SLC25A21: variants seen among roughly 807,000 people sequenced by gnomAD.
SLC25A21 encodes mitochondrial 2-oxodicarboxylate carrier.
A neutral mutation model predicts 43.8 loss-of-function variants in SLC25A21; 47 were observed. The observed-to-expected ratio is 1.07, with a 90% confidence interval of 0.85 to 1.37. The LOEUF (loss-of-function observed/expected upper bound fraction) is 1.37. Among genes scored for constraint, SLC25A21 ranks in the 40% most tolerant of loss-of-function variants. The probability of loss-of-function intolerance (pLI) is 0.00; values close to 1 mark genes in which losing one functional copy is unlikely to be tolerated. For synonymous variants in SLC25A21, 131 were observed against 121.3 expected, an observed-to-expected ratio of 1.08 and a Z score of -0.52; for missense variants, 352 against 350.2, an observed-to-expected ratio of 1.00 and a Z score of -0.04.
intron 1 of SLC25A21, among the ~76,000 whole-genome samples, chr14:36,925,792 G>A (rs915190063): frequency 1.3e-5 from 2 of 151,998 alleles, no homozygotes; most frequent in Non-Finnish European, 2.9e-5. Flanking sequence ...GGTTGTAGTG[G>A]GCTGAGATCG....
At chr14:36,995,151 G>A (rs537854533) in intron 1 of SLC25A21, among the ~76,000 whole-genome samples, 170 of 152,184 alleles carry the variant, frequency 1.1e-3, no homozygotes, top group African/African-American at 3.9e-3. Context: ...AAGTGGTGCT[G>A]ACTTATCCAA....
chr14:36,932,684 C>T (rs941602310), intron 1 of SLC25A21, among the ~76,000 whole-genome samples: 1 of 151,874 alleles, frequency 6.6e-6, no homozygotes, highest in Admixed American at 6.6e-5. Flanking sequence ...CCATGCCAGG[C>T]TACCCCATTA....
At chr14:37,050,877 A>G (rs1566843523) in intron 1 of SLC25A21, among the ~76,000 whole-genome samples, 1 of 152,228 alleles carries the variant, frequency 6.6e-6, no homozygotes, top group Non-Finnish European at 1.5e-5. Flanking sequence ...AACAACAAAA[A>G]AAAGCAGGTT....
intron 1 of SLC25A21, among the ~76,000 whole-genome samples, chr14:37,039,123 G>A (rs1045617156): frequency 6.6e-6 from 1 of 152,112 alleles, no homozygotes; most frequent in African/African-American, 2.4e-5. Flanking sequence ...TACGGTGAGG[G>A]GTGGGTGCCA....
intron 1 of SLC25A21, among the ~76,000 whole-genome samples, chr14:36,981,494 A>G (rs1461405124): frequency 6.6e-6 from 1 of 152,244 alleles, no homozygotes; most frequent in East Asian, 1.9e-4. Flanking sequence ...TACACCATGG[A>G]ATGCTATGCA....
At chr14:36,694,264 AG>A (rs1882920974) in intron 7 of SLC25A21, among the ~76,000 whole-genome samples, 1 of 152,196 alleles carries the variant, frequency 6.6e-6, no homozygotes, top group Non-Finnish European at 1.5e-5. Flanking sequence ...ATGGCTGCAT[AG>A]TATTCCATGG....
At chr14:36,695,268 A>G (rs893579227) in intron 7 of SLC25A21, among the ~76,000 whole-genome samples, 1 of 152,060 alleles carries the variant, frequency 6.6e-6, no homozygotes, top group African/African-American at 2.4e-5. Flanking sequence ...CCATTGGTCT[A>G]TATCTCTGTT....
intron 1 of SLC25A21, among the ~76,000 whole-genome samples, chr14:36,976,136 A>T (rs1400039481): frequency 6.6e-6 from 1 of 152,194 alleles, no homozygotes; most frequent in African/African-American, 2.4e-5. Context: ...TTGAAAAATA[A>T]TCATGAAATA....
At chr14:36,947,103 C>A (rs1251209138) in intron 1 of SLC25A21, among the ~76,000 whole-genome samples, 2 of 152,122 alleles carry the variant, frequency 1.3e-5, no homozygotes, top group Admixed American at 1.3e-4. Context: ...CCTTTTGAAA[C>A]AGCCCATAAG....
chr14:37,047,376 C>A (rs1445096874), intron 1 of SLC25A21, among the ~76,000 whole-genome samples: 1 of 152,124 alleles, frequency 6.6e-6, no homozygotes, highest in East Asian at 1.9e-4. Context: ...TATGAATCAA[C>A]TGCTGTGAAA....
At chr14:36,707,137 C>T (rs2064546) in intron 7 of SLC25A21, among the ~76,000 whole-genome samples, 79,865 of 152,026 alleles carry the variant, frequency 0.53, 21,123 homozygotes, top group South Asian at 0.65. Context: ...GCGCTAGATG[C>T]TCCAGTGTCT....
chr14:37,023,903 G>A (rs571903719), intron 1 of SLC25A21, among the ~76,000 whole-genome samples: 2 of 151,772 alleles, frequency 1.3e-5, no homozygotes, highest in East Asian at 3.9e-4. Flanking sequence ...ATAGACAAAG[G>A]ACCATGTTTT....
intron 1 of SLC25A21, among the ~76,000 whole-genome samples, chr14:36,893,257 G>A (rs1314165176): frequency 6.6e-6 from 1 of 152,190 alleles, no homozygotes; most frequent in Non-Finnish European, 1.5e-5. Flanking sequence ...GGTGTGAGAT[G>A]ATATCTCACT....
At chr14:36,772,469 A>G (rs368967375) in intron 3 of SLC25A21, among the ~76,000 whole-genome samples, 5 of 152,296 alleles carry the variant, frequency 3.3e-5, no homozygotes, top group African/African-American at 1.2e-4. Context: ...TGAAAGATTT[A>G]TTCATGTTTT....
chr14:37,052,583 C>T (rs1289793586), intron 1 of SLC25A21, among the ~76,000 whole-genome samples: 1 of 152,028 alleles, frequency 6.6e-6, no homozygotes, highest in African/African-American at 2.4e-5. Flanking sequence ...ATTTTGAAAA[C>T]CAATCAGCAA....
At position 36,958,693 on chromosome 14, in the gene SLC25A21, A is replaced by G. The variant is rs1457245092; in HGVS notation, c.71-83689T>C. Among the ~76,000 whole-genome samples, 96 of 151,152 alleles carry G rather than the reference A, an allele frequency of 6.4e-4. 2 individuals are homozygous for G. Among genetic ancestry groups the G allele is most frequent in the African/African-American group, 1.9e-3 (78 of 40,922 alleles). ...TAAGCACACGTGCACACACACACAC[A>G]CACACACACACACACACACACACAC... On this transcript the variant is annotated intron_variant, in intron 1 of 9. Coordinates refer to ENST00000331299, the MANE Select transcript of SLC25A21 (RefSeq NM_030631.4).
intron 2 of SLC25A21, among the ~76,000 whole-genome samples, chr14:36,821,754 T>C (rs1594617949): frequency 6.6e-6 from 1 of 152,096 alleles, no homozygotes; most frequent in Admixed American, 6.5e-5. Context: ...GACATGGAGG[T>C]TGCAGCGAGC....
chr14:37,092,931 A>G (rs1250841869), intron 1 of SLC25A21, among the ~76,000 whole-genome samples: 1 of 151,784 alleles, frequency 6.6e-6, no homozygotes, highest in Non-Finnish European at 1.5e-5. Flanking sequence ...ACACACACAC[A>G]CACGCACATA....
At chr14:36,723,703 C>T (rs1884468149) in intron 6 of SLC25A21, among the ~76,000 whole-genome samples, 1 of 152,196 alleles carries the variant, frequency 6.6e-6, no homozygotes, top group African/African-American at 2.4e-5. Context: ...GCAGCTCTTA[C>T]TTGGCCTCAG....
Sources: allele counts gnomAD v4.1 joint callset (sites outside exome capture counted in the v4.1 genomes callset), GRCh38; gene constraint gnomAD v4.1.1; transcripts MANE v1.5; gene names NCBI Gene and HGNC (gene_info 2026-07-23, HGNC 2026-07-21).